The following ARL4A variants were observed in gnomAD, a reference collection of about 807,000 sequenced individuals.
ARL4A encodes the protein ARF like GTPase 4A.
A neutral mutation model predicts 13.9 loss-of-function variants in ARL4A; 5 were observed. The ratio of observed to expected loss-of-function variants is 0.36; its 90% CI spans 0.19 to 0.75. ARL4A has a LOEUF of 0.75. ARL4A is among the 30% of genes least tolerant of loss of function. The pLI is 0.53. For missense variants in ARL4A, 147 were observed against 225.8 expected, an observed-to-expected ratio of 0.65 and a Z score of 2.24; for synonymous variants, 77 against 84.4, an observed-to-expected ratio of 0.91 and a Z score of 0.48.
Position 12,687,939 on chromosome 7 carries a change from A to G in ARL4A, c.-90+211A>G, listed in dbSNP as rs551162945. Among the ~76,000 whole-genome samples the G allele has an allele frequency of 1.3e-5, 2 of 152,154 alleles. No individual in the cohort carries two copies. Among genetic ancestry groups the G allele is most frequent in the Non-Finnish European group, 2.9e-5 (2 of 68,032 alleles). On this transcript the variant is annotated intron_variant, in intron 1 of 1. Coordinates refer to ENST00000651779, the MANE Select transcript of ARL4A (RefSeq NM_005738.5). This position sits in a 1 kb window ranked among gnomAD's most constrained non-coding sequence, Gnocchi z 5.6. Reference sequence around the variant, plus strand: ...TGAGGTTTGGGGACCCAGGAGAAAAACGTACATATTACTGCAATTTAAGTA... The same window carrying G: ...TGAGGTTTGGGGACCCAGGAGAAAAGCGTACATATTACTGCAATTTAAGTA...
chr7:12,688,070 G>A lies in ARL4A; in HGVS notation c.-89-96G>A. ...GGTTTGTTTAGCGCAGCAAGTTATA[G>A]TAAGTTCTTCGTGTTGTTTATTTTA... On this transcript the variant is annotated intron_variant, in intron 1 of 1. Transcript: ENST00000651779. This position sits in a 1 kb window ranked among gnomAD's most constrained non-coding sequence, Gnocchi z 5.2. 2.5e-6 allele frequency: 2 copies of A among 800,572 alleles called. No homozygotes were observed. Among genetic ancestry groups the A allele is most frequent in the Non-Finnish European group, 3.8e-6 (2 of 531,786 alleles). 49.6% of individuals were successfully genotyped at this position (800,572 alleles called of 1,614,324 possible).
At position 12,689,063 on chromosome 7, in the gene ARL4A, C is replaced by A; in HGVS notation, c.*206C>A. On this transcript the variant is annotated 3_prime_UTR_variant, in exon 2 of 2. Coordinates refer to ENST00000651779, the MANE Select transcript of ARL4A (RefSeq NM_005738.5). Reference sequence around the variant, plus strand: ...TCTTAAAGTGGTCTCTTCTCCCTACCCCACAAATCTTTTGGTACTACCATT... The same window carrying A: ...TCTTAAAGTGGTCTCTTCTCCCTACACCACAAATCTTTTGGTACTACCATT... The A allele has an allele frequency of 1.9e-6, 1 of 516,488 alleles. No individual in the cohort carries two copies. Among genetic ancestry groups the A allele is most frequent in the Non-Finnish European group, 3.5e-6 (1 of 287,122 alleles). 32.0% of individuals were successfully genotyped at this position (516,488 alleles called of 1,614,324 possible).
At position 12,688,313 on chromosome 7, in the gene ARL4A, C is replaced by A; in HGVS notation, c.59C>A (p.Ser20Tyr). Residue 20 changes from serine (S) to tyrosine (Y), a missense_variant, in exon 2 of 2, where the codon TCT (serine) becomes TAT (tyrosine). Transcript: ENST00000651779. The surrounding 1 kb of genome is among the most constrained non-coding windows in gnomAD (Gnocchi z 5.2). The stretch of plus-strand genomic sequence containing the variant: ...CTGTCCAACCTGCCTTCATTTCAGT[C>A]TTTCCACATTGTTATTCTGGGTTTG... ...SILSNLPSFQ[S>Y]FHIVILGLDC... 1 of 1,613,506 alleles carries A rather than the reference C, an allele frequency of 6.2e-7. No homozygotes were observed. Among genetic ancestry groups the A allele is most frequent in the South Asian group, 1.1e-5 (1 of 90,956 alleles).
chr7:12,686,920 C>T (rs1253672806), upstream of ARL4A: 1 of 151,666 alleles, frequency 6.6e-6, no homozygotes, highest in East Asian at 2.0e-4. Context: ...CGCGCGGCGC[C>T]CGCCAGGCGC....
At position 12,690,377 on chromosome 7, in the gene ARL4A, G is replaced by C. The variant is rs918254023; in HGVS notation, c.*1520G>C. ...TCACACAAAATGAATGAAGTAGCTT[G>C]ATGTGGAGCCTTCATATGTTAAATA... is the stretch of plus-strand genomic sequence containing the variant. On this transcript the variant is annotated 3_prime_UTR_variant, in exon 2 of 2. Transcript: ENST00000651779. 8.5e-5 allele frequency: 14 copies of C among 165,176 alleles called. No homozygotes were observed. Among genetic ancestry groups the C allele is most frequent in the African/African-American group, 3.4e-4 (14 of 41,124 alleles). The allele number at this position is 165,176 out of a possible 1,614,324, so 10.2% of individuals were successfully genotyped here.
chr7:12,688,332 G>A lies in ARL4A; in HGVS notation c.78G>A (p.Leu26=). The change falls in exon 2 of 2, where the codon CTG becomes CTA. Residue 26 remains leucine (L), a synonymous_variant. Transcript: ENST00000651779. This position sits in a 1 kb window ranked among gnomAD's most constrained non-coding sequence, Gnocchi z 5.2. ...PSFQSFHIVI[L]GLDCAGKTTV... ...TTCAGTCTTTCCACATTGTTATTCT[G>A]GGTTTGGACTGTGCTGGAAAGACAA... 2.5e-6 allele frequency: 4 copies of A among 1,613,844 alleles called. No individual in the cohort carries two copies. The highest frequency in any genetic ancestry group is 2.5e-6 in the Non-Finnish European group (3 of 1,179,820).
Position 12,689,042 on chromosome 7 carries a change from A to T in ARL4A, c.*185A>T, listed in dbSNP as rs909197422. 1.6e-6 allele frequency: 1 copy of T among 612,764 alleles called. No homozygotes were observed. The highest frequency in any genetic ancestry group is 3.4e-5 in the Admixed American group (1 of 29,628). 38.0% of individuals were successfully genotyped at this position (612,764 alleles called of 1,614,324 possible). A position where few individuals can be genotyped will look rare whatever the true frequency, so the allele number is the denominator to read the frequency against. ...AAGATGAGTAAATGCAGTGCTTCTTAAAGTGGTCTCTTCTCCCTACCCCAC... is the reference window on the plus strand; with the variant it reads ...AAGATGAGTAAATGCAGTGCTTCTTTAAGTGGTCTCTTCTCCCTACCCCAC... On this transcript the variant is annotated 3_prime_UTR_variant, in exon 2 of 2. Coordinates refer to ENST00000651779, the MANE Select transcript of ARL4A (RefSeq NM_005738.5).
Position 12,688,144 on chromosome 7 carries a change from T to C in ARL4A, c.-89-22T>C. On this transcript the variant is annotated intron_variant, in intron 1 of 1. Coordinates refer to ENST00000651779, the MANE Select transcript of ARL4A (RefSeq NM_005738.5). This position sits in a 1 kb window ranked among gnomAD's most constrained non-coding sequence, Gnocchi z 5.2. ...AATGTATTATTTCGGGAGAATAACT[T>C]ATTCCTTCTTCCGTCTCCCAGCAGT... 7.0e-7 allele frequency: 1 copy of C among 1,436,904 alleles called. No homozygotes were observed. The allele number at this position is 1,436,904 out of a possible 1,614,324, so 89.0% of individuals were successfully genotyped here. A position where few individuals can be genotyped will look rare whatever the true frequency, so the allele number is the denominator to read the frequency against.
At position 12,690,638 on chromosome 7, in the gene ARL4A, T is replaced by TC. The variant is rs1784605658; in HGVS notation, c.*1782dup. ...GCATTGAAGGCTGTTTTTTTTTTTTTCTCCCTTCACTGATACTGAAATCAT... is the reference window on the plus strand; with the variant it reads ...GCATTGAAGGCTGTTTTTTTTTTTTTCCTCCCTTCACTGATACTGAAATCAT... On this transcript the variant is annotated 3_prime_UTR_variant, in exon 2 of 2. Coordinates refer to ENST00000651779, the MANE Select transcript of ARL4A (RefSeq NM_005738.5). 1.2e-5 allele frequency: 2 copies of TC among 161,988 alleles called. No homozygotes were observed. The highest frequency in any genetic ancestry group is 2.4e-5 in the African/African-American group (1 of 41,100). 10.0% of individuals were successfully genotyped at this position (161,988 alleles called of 1,614,324 possible). A position where few individuals can be genotyped will look rare whatever the true frequency, so the allele number is the denominator to read the frequency against.
rs1784562009 is a variant in ARL4A at position 12,688,407 on chromosome 7, C to G, written c.153C>G (p.Thr51=). 2 of 1,613,694 alleles carry G rather than the reference C, an allele frequency of 1.2e-6. No homozygotes were observed. The highest frequency in any genetic ancestry group is 1.3e-5 in the African/African-American group (1 of 74,878). Residue 51 remains threonine, a synonymous_variant, in exon 2 of 2, where the codon ACC becomes ACG. Transcript: ENST00000651779. The surrounding 1 kb of genome is among the most constrained non-coding windows in gnomAD (Gnocchi z 5.2). ...QFNEFVNTVP[T]KGFNTEKIKV... ...ATGAATTTGTAAATACCGTACCTAC[C>G]AAAGGATTTAACACTGAGAAAATTA... is the stretch of plus-strand genomic sequence containing the variant.
Position 12,689,052 on chromosome 7 carries a change from C to T in ARL4A, c.*195C>T, listed in dbSNP as rs564064814. ...AATGCAGTGCTTCTTAAAGTGGTCT[C>T]TTCTCCCTACCCCACAAATCTTTTG... On this transcript the variant is annotated 3_prime_UTR_variant, in exon 2 of 2. Coordinates refer to ENST00000651779, the MANE Select transcript of ARL4A (RefSeq NM_005738.5). 7.2e-6 allele frequency: 4 copies of T among 557,458 alleles called. No homozygotes were observed. Among genetic ancestry groups the T allele is most frequent in the Non-Finnish European group, 1.3e-5 (4 of 314,690 alleles). The allele number at this position is 557,458 out of a possible 1,614,324, so 34.5% of individuals were successfully genotyped here. A position where few individuals can be genotyped will look rare whatever the true frequency, so the allele number is the denominator to read the frequency against.
At position 12,688,690 on chromosome 7, in the gene ARL4A, G is replaced by C. The variant is rs1562654715; in HGVS notation, c.436G>C (p.Glu146Gln). The C allele has an allele frequency of 6.2e-7, 1 of 1,613,950 alleles. No homozygotes were observed. The highest frequency in any genetic ancestry group is 1.3e-5 in the African/African-American group (1 of 75,030). Residue 146 changes from glutamate (E) to glutamine (Q), a missense_variant, in exon 2 of 2, where the codon GAA becomes CAA. By Grantham distance (29) the Glu-to-Gln change is conservative. Coordinates refer to ENST00000651779, the MANE Select transcript of ARL4A (RefSeq NM_005738.5). The surrounding 1 kb of genome is among the most constrained non-coding windows in gnomAD (Gnocchi z 5.2). ...TTTGAGGAACTCATTGTCACTTTCA[G>C]AAATTGAGAAATTGTTAGCAATGGG... ...QDLRNSLSLS[E>Q]IEKLLAMGEL...
rs998721298 is a variant in ARL4A, at chr7:12,689,423, G to C, written c.*566G>C. On this transcript the variant is annotated 3_prime_UTR_variant, in exon 2 of 2. Transcript: ENST00000651779. ...CTTTCTGGAATCAAGTAATTTAATA[G>C]TATAGCTTAATTCTAGACAATGTTT... 1.2e-5 allele frequency: 2 copies of C among 167,492 alleles called. No individual in the cohort carries two copies. Among genetic ancestry groups the C allele is most frequent in the African/African-American group, 4.8e-5 (2 of 41,442 alleles). 10.4% of individuals were successfully genotyped at this position (167,492 alleles called of 1,614,324 possible). A position where few individuals can be genotyped will look rare whatever the true frequency, so the allele number is the denominator to read the frequency against.
At position 12,688,086 on chromosome 7, in the gene ARL4A, GTTTAT is replaced by G; in HGVS notation, c.-89-75_-89-71del. On this transcript the variant is annotated intron_variant, in intron 1 of 1. Transcript: ENST00000651779. This position sits in a 1 kb window ranked among gnomAD's most constrained non-coding sequence, Gnocchi z 5.2. ...CAAGTTATAGTAAGTTCTTCGTGTT[GTTTAT>G]TTTAGCAAAGTAGAGCAAACCTGTT... 1 of 994,628 alleles carries G rather than the reference GTTTAT, an allele frequency of 1.0e-6. No homozygotes were observed. Among genetic ancestry groups the G allele is most frequent in the Admixed American group, 2.9e-5 (1 of 34,888 alleles). 61.6% of individuals were successfully genotyped at this position (994,628 alleles called of 1,614,324 possible).
rs1784573537 is a variant in ARL4A, at chr7:12,688,929, A to G, written c.*72A>G. ...GATTTTGACAAATAGAAGAGTGTCT[A>G]CAGCGTGGTTTGCCTGTCTGCCCTC... On this transcript the variant is annotated 3_prime_UTR_variant, in exon 2 of 2. Coordinates refer to ENST00000651779, the MANE Select transcript of ARL4A (RefSeq NM_005738.5). The surrounding 1 kb of genome is among the most constrained non-coding windows in gnomAD (Gnocchi z 5.2). 5 of 1,459,524 alleles carry G rather than the reference A, an allele frequency of 3.4e-6. No homozygotes were observed. The highest frequency in any genetic ancestry group is 2.8e-5 in the South Asian group (2 of 72,376). 90.4% of individuals were successfully genotyped at this position (1,459,524 alleles called of 1,614,324 possible).
At position 12,688,980 on chromosome 7, in the gene ARL4A, G is replaced by A; in HGVS notation, c.*123G>A. 2 of 1,020,640 alleles carry A rather than the reference G, an allele frequency of 2.0e-6. No individual in the cohort carries two copies. The highest frequency in any genetic ancestry group is 1.4e-6 in the Non-Finnish European group (1 of 694,310). 63.2% of individuals were successfully genotyped at this position (1,020,640 alleles called of 1,614,324 possible). A position where few individuals can be genotyped will look rare whatever the true frequency, so the allele number is the denominator to read the frequency against. On this transcript the variant is annotated 3_prime_UTR_variant, in exon 2 of 2. Transcript: ENST00000651779. The surrounding 1 kb of genome is among the most constrained non-coding windows in gnomAD (Gnocchi z 5.2). ...CTGGATGCTATTAAAGCTTTGTTTT[G>A]TTGAACAATCAGATGCCCAACTCTG... is the stretch of plus-strand genomic sequence containing the variant.
In ARL4A at chr7:12,690,554, C is replaced by T. The variant is rs566326525; in HGVS notation, c.*1697C>T. The stretch of plus-strand genomic sequence containing the variant: ...AAGCTTTTAATCAGATGTGTAAAAA[C>T]AATTGACCAGCTAGGCTATTTAGTC... On this transcript the variant is annotated 3_prime_UTR_variant, in exon 2 of 2. Transcript: ENST00000651779. 1.8e-5 allele frequency: 3 copies of T among 166,056 alleles called. No homozygotes were observed. The highest frequency in any genetic ancestry group is 4.4e-5 in the Non-Finnish European group (3 of 67,986). 10.3% of individuals were successfully genotyped at this position (166,056 alleles called of 1,614,324 possible). A position where few individuals can be genotyped will look rare whatever the true frequency, so the allele number is the denominator to read the frequency against.
chr7:12,688,371 G>C lies in ARL4A; in HGVS notation c.117G>C (p.Arg39Ser), dbSNP rs149263257. ...CTGGAAAGACAACTGTCTTATACAG[G>C]CTGCAGTTCAATGAATTTGTAAATA... ...DCAGKTTVLYRLQFNEFVNTV... is the reference protein window; with the variant it reads ...DCAGKTTVLYSLQFNEFVNTV... Residue 39 changes from arginine to serine, a missense_variant, in exon 2 of 2, where the codon AGG becomes AGC. By Grantham distance (110) the Arg-to-Ser change is moderately radical. Coordinates refer to ENST00000651779, the MANE Select transcript of ARL4A (RefSeq NM_005738.5). This position sits in a 1 kb window ranked among gnomAD's most constrained non-coding sequence, Gnocchi z 5.2. The C allele has an allele frequency of 1.5e-5, 24 of 1,613,808 alleles. No individual in the cohort carries two copies. The highest frequency in any genetic ancestry group is 2.7e-5 in the African/African-American group (2 of 74,918).
Position 12,688,077 on chromosome 7 carries a change from C to A in ARL4A, c.-89-89C>A. 1.3e-5 allele frequency: 11 copies of A among 863,658 alleles called. No individual in the cohort carries two copies. Among genetic ancestry groups the A allele is most frequent in the Non-Finnish European group, 1.7e-5 (10 of 585,476 alleles). The allele number at this position is 863,658 out of a possible 1,614,324, so 53.5% of individuals were successfully genotyped here. Reference sequence around the variant, plus strand: ...TTAGCGCAGCAAGTTATAGTAAGTTCTTCGTGTTGTTTATTTTAGCAAAGT... The same window carrying A: ...TTAGCGCAGCAAGTTATAGTAAGTTATTCGTGTTGTTTATTTTAGCAAAGT... On this transcript the variant is annotated intron_variant, in intron 1 of 1. Transcript: ENST00000651779. This position sits in a 1 kb window ranked among gnomAD's most constrained non-coding sequence, Gnocchi z 5.2.
Sources: allele counts gnomAD v4.1 joint callset (sites outside exome capture counted in the v4.1 genomes callset), GRCh38; gene constraint gnomAD v4.1.1; non-coding constraint Gnocchi (gnomAD v3.1); transcripts MANE v1.5; gene names NCBI Gene and HGNC (gene_info 2026-07-23, HGNC 2026-07-21).